PDXDC1: variants seen among roughly 807,000 people sequenced by gnomAD.
PDXDC1 encodes the protein pyridoxal dependent decarboxylase domain containing 1, also known as pyridoxal-dependent decarboxylase domain-containing protein 1.
A neutral mutation model predicts 100.1 loss-of-function variants in PDXDC1; 42 were observed. The observed-to-expected ratio is 0.42, with a 90% CI of 0.33 to 0.54. PDXDC1 has a LOEUF of 0.54. PDXDC1 is among the 20% of genes least tolerant of loss of function. PDXDC1 has a pLI of 0.10. For missense variants in PDXDC1, 636 were observed against 979.2 expected (o/e 0.65, Z 4.68); for synonymous variants, 260 against 371.7 (o/e 0.70, Z 3.46).
intron 16 of PDXDC1, among the ~76,000 whole-genome samples, chr16:15,132,480 C>T (rs1284369293): frequency 6.7e-6 from 1 of 148,560 alleles, no homozygotes; most frequent in Non-Finnish European, 1.5e-5. Context: ...TCTTCTTAGT[C>T]CCTCCCCACA....
intron 16 of PDXDC1, among the ~76,000 whole-genome samples, chr16:15,080,943 T>A (rs1209349626): frequency 1.3e-5 from 2 of 152,194 alleles, no homozygotes; most frequent in African/African-American, 4.8e-5. Flanking sequence ...GTTTGTGGCA[T>A]GTTTTTAGGG....
chr16:15,125,496 T>C lies in PDXDC1; in HGVS notation c.1400-13383T>C, dbSNP rs3863420. 418 of 1,280,178 alleles carry C rather than the reference T, an allele frequency of 3.3e-4. 1 individual carries two copies. Among genetic ancestry groups the C allele is most frequent in the Admixed American group, 4.0e-4 (24 of 59,520 alleles). 79.3% of individuals were successfully genotyped at this position (1,280,178 alleles called of 1,614,324 possible). ...GGACACGCAGCCCGCACACCCCCGG[T>C]ACTCCAGACACAGTGACCTGCACCA... On this transcript the variant is annotated intron_variant, in intron 16 of 16. Transcript: ENST00000535621.
At chr16:15,021,847 C>G (rs1327675440) in intron 12 of PDXDC1, among the ~76,000 whole-genome samples, 1 of 152,300 alleles carries the variant, frequency 6.6e-6, no homozygotes, top group Non-Finnish European at 1.5e-5. Flanking sequence ...TCTTCTCCCT[C>G]TCTTCTTTCT....
downstream of PDXDC1, among the ~76,000 whole-genome samples, chr16:15,140,803 C>G (rs749436940): frequency 5.3e-5 from 8 of 152,118 alleles, no homozygotes; most frequent in Non-Finnish European, 1.2e-4. Context: ...CCTGGTCCCA[C>G]GCACTCCCAG....
intron 16 of PDXDC1, among the ~76,000 whole-genome samples, chr16:15,058,788 C>T (rs1285280816): frequency 6.6e-6 from 1 of 152,098 alleles, no homozygotes; most frequent in Non-Finnish European, 1.5e-5. Context: ...GTGAAAGGAT[C>T]CCAATTTGTG....
chr16:14,978,253 A>G (rs1413569655), intron 1 of PDXDC1, among the ~76,000 whole-genome samples: 3 of 152,298 alleles, frequency 2.0e-5, no homozygotes, highest in South Asian at 2.1e-4. Context: ...TGTCCAAGGC[A>G]TAAGGAACAA....
At chr16:15,060,508 TTAAA>T (rs1267840291) in intron 16 of PDXDC1, 2 of 154,136 alleles carry the variant, frequency 1.3e-5, no homozygotes, top group African/African-American at 4.8e-5. Context: ...TTGCTTGCCT[TTAAA>T]TAAAGTGGCA....
intron 16 of PDXDC1, chr16:15,128,089 C>A (rs1011168912): frequency 3.7e-6 from 6 of 1,608,620 alleles, no homozygotes; most frequent in African/African-American, 2.7e-5. Context: ...GTGCCGTCTG[C>A]AGGTCCCTGA....
intron 16 of PDXDC1, among the ~76,000 whole-genome samples, chr16:15,101,976 G>A (rs2046567076): frequency 1.3e-5 from 2 of 152,086 alleles, no homozygotes; most frequent in African/African-American, 2.4e-5. Context: ...AGCCTCCCGA[G>A]TAGCTGGGAT....
chr16:14,999,542 A>T (rs1383210319), intron 3 of PDXDC1, among the ~76,000 whole-genome samples: 7 of 152,244 alleles, frequency 4.6e-5, no homozygotes, highest in African/African-American at 1.7e-4. Flanking sequence ...GACCCTATCA[A>T]ATAAAATAAA....
At chr16:15,033,233 T>C in intron 18 of PDXDC1, 45 bp from the exon 19 acceptor site, 1 of 1,611,088 alleles carries the variant, frequency 6.2e-7, no homozygotes, top group Non-Finnish European at 8.5e-7. Context: ...GTCTCACCCA[T>C]GACAGAGGAC....
At chr16:15,142,378 C>T (rs536361358), downstream of PDXDC1, among the ~76,000 whole-genome samples, 5 of 152,260 alleles carry the variant, frequency 3.3e-5, no homozygotes, top group Admixed American at 2.6e-4. Flanking sequence ...GGCTCCTTCT[C>T]CCGGCCCTCA....
chr16:14,995,688 A>C (rs1267452827), intron 1 of PDXDC1, among the ~76,000 whole-genome samples: 1 of 152,268 alleles, frequency 6.6e-6, no homozygotes, highest in Admixed American at 6.5e-5. Context: ...CTCTTTTTCT[A>C]TTGATTGGAA....
At chr16:15,035,000 A>C (rs1178621228) in intron 21 of PDXDC1, among the ~76,000 whole-genome samples, 1 of 152,142 alleles carries the variant, frequency 6.6e-6, no homozygotes, top group Non-Finnish European at 1.5e-5. Context: ...CAGCCGCTGG[A>C]ATGTGGGGAG....
At chr16:14,990,166 C>T (rs1324314463) in intron 1 of PDXDC1, 2 of 1,356,054 alleles carry the variant, frequency 1.5e-6, no homozygotes, top group South Asian at 1.6e-5. Flanking sequence ...CACATCGGGC[C>T]GCCAGGCGCG....
chr16:15,148,238 T>G, the PDXDC1 span, among the ~76,000 whole-genome samples: 5 of 151,910 alleles, frequency 3.3e-5, no homozygotes, highest in Admixed American at 1.3e-4. Flanking sequence ...ATTACAGGCG[T>G]GAGGCACCGC....
chr16:15,077,528 T>C (rs903388127), intron 16 of PDXDC1, among the ~76,000 whole-genome samples: 1 of 152,160 alleles, frequency 6.6e-6, no homozygotes, highest in African/African-American at 2.4e-5. Flanking sequence ...CCCAGCCATG[T>C]GGAACTGTAA....
intron 16 of PDXDC1, among the ~76,000 whole-genome samples, chr16:15,128,615 T>C (rs2047886091): frequency 6.6e-6 from 1 of 151,980 alleles, no homozygotes; most frequent in Admixed American, 6.6e-5. Flanking sequence ...AACTGTAACT[T>C]GTGACATGCA....
rs1331271067 is a variant in PDXDC1, at chr16:15,078,936, C to T, written c.1399+48880C>T. On this transcript the variant is annotated intron_variant, in intron 16 of 16. Transcript: ENST00000535621. ...ACACCATTCTCCTGCCTCAGCCTCC[C>T]GAGTAGCTGGGACTATAGGTGCCCA... is the stretch of plus-strand genomic sequence containing the variant. 5.9e-5 allele frequency among the ~76,000 whole-genome samples: 9 copies of T among 151,856 alleles called. No individual in the cohort carries two copies. In the South Asian group the frequency reaches 6.2e-4, roughly 11 times the overall value.
Sources: gnomAD v4.1 joint callset for allele counts (sites outside exome capture counted in the v4.1 genomes callset) on GRCh38, gnomAD v4.1.1 for gene constraint, MANE v1.5 for transcripts, NCBI Gene and HGNC (gene_info 2026-07-23, HGNC 2026-07-21) for gene names.